Variants in STK31 observed in about 807,000 individuals in gnomAD.
The protein encoded by STK31 is serine/threonine-protein kinase 31.
A neutral mutation model predicts 129.7 loss-of-function variants in STK31; 89 were observed. That is an observed-to-expected ratio of 0.69 (90% CI 0.58 to 0.82). The LOEUF (loss-of-function observed/expected upper bound fraction) is 0.82. Among genes scored for constraint, STK31 ranks in the 40% least tolerant of loss-of-function variants. The pLI is 0.00. For synonymous variants in STK31, 448 were observed against 395.3 expected (o/e 1.13, Z -1.58); for missense variants, 1,187 against 1,176.4 (o/e 1.01, Z -0.13).
intron 4 of STK31, among the ~76,000 whole-genome samples, chr7:23,719,204 C>A (rs1179447624): frequency 1.3e-5 from 2 of 151,770 alleles, no homozygotes. Flanking sequence ...GATAAAGTCA[C>A]AACTGTAAAA....
chr7:23,791,056 G>T, intron 22 of STK31, 110 bp downstream of exon 22: 1 of 1,082,414 alleles, frequency 9.2e-7, no homozygotes, highest in Non-Finnish European at 1.2e-6. Context: ...ACTTTTAGTA[G>T]AACTTTAAGT....
At chr7:23,786,689 T>G (rs1001465540) in intron 19 of STK31, 56 bp downstream of exon 19, 16 of 1,575,770 alleles carry the variant, frequency 1.0e-5, no homozygotes, top group Non-Finnish European at 1.3e-5. Context: ...AGAAACTATT[T>G]TATTTAAAAT....
chr7:23,815,597 T>C (rs1241699079), intron 23 of STK31, among the ~76,000 whole-genome samples: 1 of 152,198 alleles, frequency 6.6e-6, no homozygotes, highest in East Asian at 1.9e-4. Flanking sequence ...TGATAGGAAT[T>C]GAACCAGGTG....
chr7:23,720,055 A>G (rs1434002251), intron 4 of STK31, among the ~76,000 whole-genome samples: 4 of 152,190 alleles, frequency 2.6e-5, no homozygotes, highest in Non-Finnish European at 5.9e-5. Flanking sequence ...CAAACAAACA[A>G]TGGCAGTTAC....
chr7:23,811,207 G>A (rs1463466963), intron 22 of STK31: 6 of 249,252 alleles, frequency 2.4e-5, no homozygotes, highest in Non-Finnish European at 4.0e-5. Context: ...CATCCTTACA[G>A]TAGTTTAGCA....
chr7:23,741,998 G>T (rs1382458364), intron 8 of STK31, among the ~76,000 whole-genome samples: 1 of 152,234 alleles, frequency 6.6e-6, no homozygotes, highest in African/African-American at 2.4e-5. Context: ...CTGGTGAACA[G>T]CATGGGCAAA....
intron 17 of STK31, among the ~76,000 whole-genome samples, chr7:23,785,129 C>G (rs551869966): frequency 6.6e-6 from 1 of 152,206 alleles, no homozygotes; most frequent in African/African-American, 2.4e-5. Flanking sequence ...TCATTCCTCA[C>G]CCCCGTCCCA....
At chr7:23,816,159 G>T (rs1397559882) in intron 23 of STK31, among the ~76,000 whole-genome samples, 1 of 152,090 alleles carries the variant, frequency 6.6e-6, no homozygotes, top group Non-Finnish European at 1.5e-5. Flanking sequence ...GACAACTTTT[G>T]TGAGATTATA....
intron 22 of STK31, chr7:23,791,281 G>A (rs888375548): frequency 5.2e-5 from 51 of 985,142 alleles, no homozygotes; most frequent in Non-Finnish European, 5.9e-5. Context: ...TGCTTCCAGT[G>A]TAGACCAAAT....
intron 12 of STK31, 122 bp downstream of exon 12, chr7:23,769,296 C>A: frequency 1.1e-6 from 1 of 890,950 alleles, no homozygotes; most frequent in Non-Finnish European, 1.5e-6. Context: ...TTTAAAATTG[C>A]CACCTTACCA....
rs1473813518 is a variant in STK31, at chr7:23,786,939, CTATT to C, written c.2487+21_2487+24del. ...TAAATTCAGAAGTAAGTAAAAAGCA[CTATT>C]TATTTCCATGGATGTATTAAATGAG... is the stretch of plus-strand genomic sequence containing the variant. On this transcript the variant is annotated intron_variant, in intron 20 of 23. Coordinates refer to ENST00000355870, the MANE Select transcript of STK31 (RefSeq NM_031414.5). 2 of 1,604,438 alleles carry C rather than the reference CTATT, an allele frequency of 1.2e-6. No homozygotes were observed. Among genetic ancestry groups the C allele is most frequent in the Non-Finnish European group, 1.7e-6 (2 of 1,172,636 alleles).
chr7:23,748,755 AATAC>A (rs1213884429), intron 8 of STK31, among the ~76,000 whole-genome samples: 1 of 152,208 alleles, frequency 6.6e-6, no homozygotes, highest in Non-Finnish European at 1.5e-5. Context: ...TACAGTATAT[AATAC>A]ATATAACATA....
At chr7:23,781,350 A>T (rs1419875099) in intron 15 of STK31, 69 bp from the exon 16 acceptor site, 1 of 1,151,998 alleles carries the variant, frequency 8.7e-7, no homozygotes, top group African/African-American at 1.6e-5. Flanking sequence ...TTACTATAGA[A>T]CTTGAATTCT....
chr7:23,810,985 TA>T (rs1412625224), intron 22 of STK31, among the ~76,000 whole-genome samples: 1 of 149,084 alleles, frequency 6.7e-6, no homozygotes, highest in Non-Finnish European at 1.5e-5. Flanking sequence ...TTATTTTTTT[TA>T]AACAACACCT....
rs1321806709 is a variant in STK31, at chr7:23,781,287, G to C, written c.1966-132G>C. The C allele has an allele frequency of 5.1e-6, 3 of 586,670 alleles. No individual in the cohort carries two copies. The African/African-American group carries it at 5.8e-5, about 11-fold the overall frequency. 36.3% of individuals were successfully genotyped at this position (586,670 alleles called of 1,614,324 possible). On this transcript the variant is annotated intron_variant, in intron 15 of 23. Coordinates refer to ENST00000355870, the MANE Select transcript of STK31 (RefSeq NM_031414.5). ...TAAGTTAATTCAGCAAGTATTAGAA[G>C]GGTCTTTTATGTGCTAGGTACTGAA...
At chr7:23,825,757 C>T (rs1794107928) in intron 23 of STK31, among the ~76,000 whole-genome samples, 1 of 152,104 alleles carries the variant, frequency 6.6e-6, no homozygotes, top group Admixed American at 6.6e-5. Context: ...TTTCCCTCTA[C>T]ACACTGCTTT....
In STK31 at chr7:23,769,719, A is replaced by AGC; in HGVS notation, c.1677_1678insCG (p.Ser560ArgfsTer10). 1 of 1,610,168 alleles carries AGC rather than the reference A, an allele frequency of 6.2e-7. No homozygotes were observed. The highest frequency in any genetic ancestry group is 8.5e-7 in the Non-Finnish European group (1 of 1,177,840). ...ATTGATGAAATCCTAGAGAAGACTG[A>AGC]GTCAAGTGTCTGCAAAGAGCTGGAG... is the stretch of plus-strand genomic sequence containing the variant. On this transcript the variant is annotated frameshift_variant, in exon 13 of 24. Transcript: ENST00000355870. LOFTEE classifies it high-confidence loss of function.
chr7:23,731,813 T>G (rs1787448091), intron 6 of STK31, among the ~76,000 whole-genome samples: 1 of 152,196 alleles, frequency 6.6e-6, no homozygotes, highest in South Asian at 2.1e-4. Context: ...TGTTTAACAA[T>G]TTAAAGGCCT....
chr7:23,763,527 A>T (rs1057444855), intron 11 of STK31, among the ~76,000 whole-genome samples: 2 of 151,884 alleles, frequency 1.3e-5, no homozygotes, highest in Non-Finnish European at 2.9e-5. Flanking sequence ...ATTGTTTAAA[A>T]TTTTTCTCTA....
Sources: allele counts gnomAD v4.1 joint callset (sites outside exome capture counted in the v4.1 genomes callset), GRCh38; gene constraint gnomAD v4.1.1; transcripts MANE v1.5; gene names NCBI Gene and HGNC (gene_info 2026-07-23, HGNC 2026-07-21).